The following DOP1B variants were observed in gnomAD, a reference collection of about 807,000 sequenced individuals.
DOP1B encodes DOP1 leucine zipper like protein B, also known as protein DOP1B.
DOP1B carries 174 observed loss-of-function variants against 233.5 expected under a neutral mutation model. The ratio of observed to expected loss-of-function variants is 0.75; its 90% CI spans 0.66 to 0.85. DOP1B has a LOEUF of 0.85. Ranked by LOEUF, DOP1B falls within the 40% of genes least tolerant of loss-of-function variation. DOP1B has a pLI of 0.00. For missense variants in DOP1B, 2,652 were observed against 2,846.6 expected (o/e 0.93, Z 1.56); for synonymous variants, 1,190 against 1,185.6 (o/e 1.00, Z -0.08).
In DOP1B at chr21:36,245,235, C is replaced by T. The variant is rs1468390800; in HGVS notation, c.3255C>T (p.Ser1085=). Residue 1085 remains serine (S), a synonymous_variant, in exon 19 of 37, where the codon AGC becomes AGT. Coordinates refer to ENST00000691173, the MANE Select transcript of DOP1B (RefSeq NM_001320714.2). This position sits in a 1 kb window ranked among gnomAD's most constrained non-coding sequence, Gnocchi z 5.5. ...AGTACCCGCTGCGAGGCGAGCTGAG[C>T]GAGGAAGAGCTGCCCTACTACGTGG... ...PEKYPLRGEL[S]EEELPYYVEL... 1.7e-5 allele frequency: 28 copies of T among 1,613,966 alleles called. No individual in the cohort carries two copies. Among genetic ancestry groups the T allele is most frequent in the East Asian group, 2.2e-5 (1 of 44,900 alleles).
rs142315128 is a variant in DOP1B, at chr21:36,171,632, C to T, written c.138+6761C>T. 3.0e-3 allele frequency among the ~76,000 whole-genome samples: 450 copies of T among 152,312 alleles called. 2 individuals carry two copies. Among genetic ancestry groups the T allele is most frequent in the Non-Finnish European group, 3.5e-3 (235 of 68,024 alleles). Reference sequence around the variant, plus strand: ...CAAGCCAAGAAGTGCCAAAGAATGACAGCAAACTCCTAGCAGCGGGGGGAG... The same window carrying T: ...CAAGCCAAGAAGTGCCAAAGAATGATAGCAAACTCCTAGCAGCGGGGGGAG... On this transcript the variant is annotated intron_variant, in intron 2 of 36. Coordinates refer to ENST00000691173, the MANE Select transcript of DOP1B (RefSeq NM_001320714.2).
intron 1 of DOP1B, among the ~76,000 whole-genome samples, chr21:36,161,692 A>G (rs888736370): frequency 3.3e-5 from 5 of 152,136 alleles, no homozygotes; most frequent in African/African-American, 1.2e-4. Context: ...GAGTTGTGCA[A>G]GCATCGCCAT....
chr21:36,238,269 C>T (rs2066849941), intron 16 of DOP1B, among the ~76,000 whole-genome samples: 1 of 152,144 alleles, frequency 6.6e-6, no homozygotes, highest in Admixed American at 6.5e-5. Flanking sequence ...TGTTGTGTCT[C>T]CTCGTTCTTT....
At chr21:36,233,888 C>G (rs1486607800) in intron 15 of DOP1B, among the ~76,000 whole-genome samples, 1 of 152,138 alleles carries the variant, frequency 6.6e-6, no homozygotes, top group Non-Finnish European at 1.5e-5. Context: ...GAGTCCCGCT[C>G]TGTCACCCAG....
At chr21:36,234,333 A>G (rs1413871489) in intron 15 of DOP1B, among the ~76,000 whole-genome samples, 4 of 152,310 alleles carry the variant, frequency 2.6e-5, no homozygotes, top group Admixed American at 2.6e-4. Context: ...TTTACACTAT[A>G]TATAGGCACA....
chr21:36,244,018 C>CATT (rs2066924010), intron 18 of DOP1B, among the ~76,000 whole-genome samples: 1 of 117,010 alleles, frequency 8.5e-6, no homozygotes, highest in African/African-American at 3.5e-5. Flanking sequence ...TTTTTCCTTT[C>CATT]CTTTTTTTTT....
intron 2 of DOP1B, among the ~76,000 whole-genome samples, chr21:36,182,522 AG>A (rs1234489181): frequency 1.3e-5 from 2 of 152,032 alleles, no homozygotes. Flanking sequence ...CTGCCACGAC[AG>A]GGAAAGATAG....
chr21:36,232,092 C>A (rs779891782), intron 14 of DOP1B, among the ~76,000 whole-genome samples: 3 of 152,182 alleles, frequency 2.0e-5, no homozygotes, highest in Non-Finnish European at 4.4e-5. Flanking sequence ...GATCCACCCG[C>A]CTAGGCCTCC....
Position 36,237,264 on chromosome 21 carries a change from G to A in DOP1B, c.2625G>A (p.Arg875=). The A allele has an allele frequency of 6.2e-7, 1 of 1,614,112 alleles. No homozygotes were observed. The highest frequency in any genetic ancestry group is 1.3e-5 in the African/African-American group (1 of 75,020). Residue 875 remains arginine, a splice_region_variant and synonymous_variant, in exon 16 of 37, where the codon AGG becomes AGA. Transcript: ENST00000691173. ...VIAEKTDFYQ[R]VARVLWNQLN... ...CGCCTGCCTTTTCCTTGTCCCAGAG[G>A]GTGGCTCGTGTGCTTTGGAATCAGC...
chr21:36,229,965 A>C (rs188313927), intron 13 of DOP1B, among the ~76,000 whole-genome samples: 1 of 151,942 alleles, frequency 6.6e-6, no homozygotes, highest in Admixed American at 6.6e-5. Context: ...ACCTGGCCTT[A>C]TTTTATTTCT....
At chr21:36,292,031 CT>C in intron 35 of DOP1B, 72 bp from the exon 36 acceptor site, 1 of 1,493,458 alleles carries the variant, frequency 6.7e-7, no homozygotes, top group African/African-American at 1.4e-5. Flanking sequence ...TGAATTATAT[CT>C]TAATAAAACT....
intron 32 of DOP1B, among the ~76,000 whole-genome samples, 162 bp from the exon 33 acceptor site, chr21:36,287,852 T>C (rs977229817): frequency 1.3e-5 from 2 of 152,122 alleles, no homozygotes; most frequent in African/African-American, 4.8e-5. Flanking sequence ...CCCAAAGTGC[T>C]GGGATTACAA....
intron 2 of DOP1B, among the ~76,000 whole-genome samples, chr21:36,166,437 A>C (rs776678754): frequency 6.7e-5 from 9 of 134,008 alleles, no homozygotes; most frequent in Non-Finnish European, 1.4e-4. Context: ...ACTCCGTCTC[A>C]AAAAAAAAAA....
Position 36,223,254 on chromosome 21 carries a change from C to T in DOP1B, c.1274C>T (p.Ala425Val), listed in dbSNP as rs1017066101. 3 of 1,606,558 alleles carry T rather than the reference C, an allele frequency of 1.9e-6. No individual in the cohort carries two copies. The highest frequency in any genetic ancestry group is 2.5e-6 in the Non-Finnish European group (3 of 1,178,108). Reference protein sequence around the residue: ...LISAIKENRNASEIVKTVNLL... With the variant: ...LISAIKENRNVSEIVKTVNLL... ...AGTGCAATCAAGGAAAACAGAAATGCCTCTGAGATTGTCAAAACGGTAAAT... is the reference window on the plus strand; with the variant it reads ...AGTGCAATCAAGGAAAACAGAAATGTCTCTGAGATTGTCAAAACGGTAAAT... Residue 425 changes from alanine to valine, a missense_variant, in exon 11 of 37, where the codon GCC (alanine) becomes GTC (valine). Ala to Val is a moderately conservative substitution (Grantham distance 64). Around this residue, in one of 3 missense-constraint regions of DOP1B, gnomAD observed 2,617 missense variants for 2,794.3 expected, o/e 0.94. Coordinates refer to ENST00000691173, the MANE Select transcript of DOP1B (RefSeq NM_001320714.2).
At chr21:36,269,516 A>C (rs1461296738) in intron 26 of DOP1B, among the ~76,000 whole-genome samples, 2 of 151,892 alleles carry the variant, frequency 1.3e-5, no homozygotes, top group East Asian at 3.9e-4. Context: ...GGTTAAATAA[A>C]ATACATTATT....
rs1370915338 is a variant in DOP1B at position 36,246,201 on chromosome 21, C to G, written c.4221C>G (p.Ala1407=). The change falls in exon 19 of 37, where the codon GCC becomes GCG. Residue 1407 remains alanine, a synonymous_variant. Coordinates refer to ENST00000691173, the MANE Select transcript of DOP1B (RefSeq NM_001320714.2). The surrounding 1 kb of genome is among the most constrained non-coding windows in gnomAD (Gnocchi z 5.1). ...AGAAGCGCTACGGGCTGGCCACCGCCCACCACGGCAGGGCCCTGCCAGAGG... is the reference window on the plus strand; with the variant it reads ...AGAAGCGCTACGGGCTGGCCACCGCGCACCACGGCAGGGCCCTGCCAGAGG... ...TSQKRYGLAT[A]HHGRALPEDS... is the part of the protein sequence containing the mutation. 5 of 1,613,830 alleles carry G rather than the reference C, an allele frequency of 3.1e-6. No individual in the cohort carries two copies. Among genetic ancestry groups the G allele is most frequent in the Non-Finnish European group, 4.2e-6 (5 of 1,180,032 alleles).
chr21:36,220,667 AT>A (rs201067094), intron 10 of DOP1B, among the ~76,000 whole-genome samples: 59,308 of 134,714 alleles, frequency 0.44, 13,969 homozygotes, highest in South Asian at 0.65. Context: ...TGCCCAGCTA[AT>A]TTTTTTTTTT....
intron 27 of DOP1B, among the ~76,000 whole-genome samples, chr21:36,271,637 T>A (rs1399006153): frequency 6.6e-6 from 1 of 151,940 alleles, no homozygotes; most frequent in Non-Finnish European, 1.5e-5. Context: ...TACAACATAC[T>A]ATGTGTGTGT....
chr21:36,273,964 G>T (rs2067320632), intron 27 of DOP1B, among the ~76,000 whole-genome samples: 1 of 152,138 alleles, frequency 6.6e-6, no homozygotes, highest in African/African-American at 2.4e-5. Context: ...TGTAGTCCCA[G>T]CTACTGGGGA....
Sources: allele counts gnomAD v4.1 joint callset (sites outside exome capture counted in the v4.1 genomes callset), GRCh38; gene constraint gnomAD v4.1.1; regional missense constraint gnomAD v4.1.1; non-coding constraint Gnocchi (gnomAD v3.1); transcripts MANE v1.5; gene names NCBI Gene and HGNC (gene_info 2026-07-23, HGNC 2026-07-21).